Variants in TBX15 observed in about 807,000 individuals in gnomAD.
TBX15 encodes T-box transcription factor 15.
Under a neutral mutation model 53.9 loss-of-function variants are expected in TBX15, and 18 were observed. That is an observed-to-expected ratio of 0.33 (90% CI 0.23 to 0.49). The LOEUF is 0.49. TBX15 is among the 20% of genes least tolerant of loss of function. The probability of loss-of-function intolerance (pLI) is 0.98; values close to 1 mark genes in which losing one functional copy is unlikely to be tolerated. For missense variants in TBX15, 692 were observed against 749.5 expected (o/e 0.92, Z 0.90); for synonymous variants, 295 against 278.0 (o/e 1.06, Z -0.61).
intron 6 of TBX15, among the ~76,000 whole-genome samples, chr1:118,901,904 C>A (rs1188440694): frequency 6.6e-6 from 1 of 152,114 alleles, no homozygotes; most frequent in African/African-American, 2.4e-5. Flanking sequence ...CCTATGGACA[C>A]ATATGTAATC....
intron 4 of TBX15, among the ~76,000 whole-genome samples, 177 bp from the exon 5 acceptor site, chr1:118,923,780 A>T (rs556529627): frequency 1.8e-4 from 27 of 152,230 alleles, no homozygotes; most frequent in Non-Finnish European, 3.2e-4. Flanking sequence ...ATTAAATAGC[A>T]TTACATGGAA....
intron 1 of TBX15, among the ~76,000 whole-genome samples, chr1:118,949,561 G>C (rs568219065): frequency 8.5e-5 from 13 of 152,318 alleles, no homozygotes; most frequent in Admixed American, 6.5e-4. Flanking sequence ...CCTTCTCCAA[G>C]GATGTCACAC....
intron 5 of TBX15, among the ~76,000 whole-genome samples, chr1:118,920,146 T>G (rs1655375300): frequency 6.6e-6 from 1 of 152,178 alleles, no homozygotes; most frequent in Non-Finnish European, 1.5e-5. Context: ...AACTTCGTGT[T>G]TTCTACATCA....
chr1:118,971,684 A>T (rs1007534415), intron 1 of TBX15, among the ~76,000 whole-genome samples: 5 of 152,274 alleles, frequency 3.3e-5, no homozygotes, highest in Admixed American at 3.3e-4. Context: ...TGTAGAAAAG[A>T]TCAACCAAAA....
chr1:118,961,216 C>G (rs1209876718), intron 1 of TBX15, among the ~76,000 whole-genome samples: 1 of 152,206 alleles, frequency 6.6e-6, no homozygotes, highest in Non-Finnish European at 1.5e-5. Context: ...TCGAGACACC[C>G]ATCCCCCTGT....
chr1:118,931,900 A>T, intron 1 of TBX15, 68 bp from the exon 2 acceptor site: 1 of 1,484,168 alleles, frequency 6.7e-7, no homozygotes, highest in Non-Finnish European at 9.1e-7. Context: ...GCCCTAAAAG[A>T]TGGGGGTGGG....
At chr1:118,963,683 G>A (rs957874914) in intron 1 of TBX15, among the ~76,000 whole-genome samples, 2 of 152,216 alleles carry the variant, frequency 1.3e-5, no homozygotes, top group Non-Finnish European at 2.9e-5. Flanking sequence ...AAGATGTCCA[G>A]ATTTCTCACA....
intron 6 of TBX15, among the ~76,000 whole-genome samples, chr1:118,904,191 A>C (rs111274192): frequency 0.042 from 6,352 of 152,192 alleles, 185 homozygotes; most frequent in Non-Finnish European, 0.061. Context: ...GGGTGGTGCT[A>C]TGCCTCTGAT....
intron 1 of TBX15, among the ~76,000 whole-genome samples, chr1:118,962,602 T>C (rs1215160971): frequency 1.3e-5 from 2 of 152,160 alleles, no homozygotes; most frequent in Non-Finnish European, 1.5e-5. Context: ...GAAATACTAG[T>C]GTATCATATC....
chr1:118,912,396 C>T (rs1249278587), intron 6 of TBX15, among the ~76,000 whole-genome samples: 1 of 151,984 alleles, frequency 6.6e-6, no homozygotes, highest in Non-Finnish European at 1.5e-5. Flanking sequence ...CACAATTTTA[C>T]CTACAATATC....
intron 1 of TBX15, among the ~76,000 whole-genome samples, chr1:118,944,791 A>G (rs964196989): frequency 3.9e-5 from 6 of 152,176 alleles, no homozygotes; most frequent in Non-Finnish European, 7.3e-5. Flanking sequence ...ATCTGTCATG[A>G]TGACCCAGCC....
At chr1:118,945,396 C>G (rs1656316258) in intron 1 of TBX15, among the ~76,000 whole-genome samples, 1 of 152,162 alleles carries the variant, frequency 6.6e-6, no homozygotes, top group South Asian at 2.1e-4. Flanking sequence ...CCTAGACAGG[C>G]AGACTGATAA....
chr1:118,895,139 C>G (rs892385656), intron 7 of TBX15, among the ~76,000 whole-genome samples: 9 of 152,124 alleles, frequency 5.9e-5, no homozygotes, highest in Admixed American at 2.0e-4. Flanking sequence ...TCAACTAATA[C>G]AAGTCAAACT....
rs548785391 is a variant in TBX15, at chr1:118,986,522, T to C, written c.205+1069A>G. 5.3e-5 allele frequency among the ~76,000 whole-genome samples: 8 copies of C among 152,176 alleles called. No homozygotes were observed. In the East Asian group the frequency reaches 1.4e-3, roughly 26 times the overall value. On this transcript the variant is annotated intron_variant, in intron 1 of 7. Coordinates refer to ENST00000369429, the MANE Select transcript of TBX15 (RefSeq NM_001330677.2). ...GAACTGTCACTGCCTAAAGAGAAAA[T>C]GTAAGCGACAGCTGTCCCTCCTCTG... is the stretch of plus-strand genomic sequence containing the variant.
At chr1:118,940,564 C>G (rs1656139251) in intron 1 of TBX15, among the ~76,000 whole-genome samples, 1 of 151,826 alleles carries the variant, frequency 6.6e-6, no homozygotes, top group Non-Finnish European at 1.5e-5. Context: ...AGGCTTAACT[C>G]AAGTCAGAGT....
chr1:118,910,659 T>C (rs1655000167), intron 6 of TBX15, among the ~76,000 whole-genome samples: 1 of 152,198 alleles, frequency 6.6e-6, no homozygotes, highest in African/African-American at 2.4e-5. Context: ...TTTTGAGATA[T>C]TTAAAGAGAA....
At position 118,927,582 on chromosome 1, in the gene TBX15, G is replaced by T. The variant is rs34343782; in HGVS notation, c.420-971C>A. 2.3e-3 allele frequency among the ~76,000 whole-genome samples: 354 copies of T among 152,302 alleles called. 4 individuals carry two copies. Among genetic ancestry groups the T allele is most frequent in the Admixed American group, 4.2e-3 (65 of 15,298 alleles). On this transcript the variant is annotated intron_variant, in intron 2 of 7. Transcript: ENST00000369429. ...ACGTGTGTGTCAGAGGAAGGACCCT[G>T]TGGAATTGGAAGCAAATACCAAATG...
At chr1:118,951,416 C>T (rs1351071112) in intron 1 of TBX15, among the ~76,000 whole-genome samples, 6 of 152,192 alleles carry the variant, frequency 3.9e-5, no homozygotes, top group Non-Finnish European at 7.4e-5. Context: ...CCCTACTTCT[C>T]GCAGCTGGAG....
At chr1:118,902,314 G>A (rs975575019) in intron 6 of TBX15, among the ~76,000 whole-genome samples, 2 of 151,964 alleles carry the variant, frequency 1.3e-5, no homozygotes, top group African/African-American at 4.8e-5. Flanking sequence ...TCAATATTTG[G>A]TGTAGTGCCA....
Sources: gnomAD v4.1 joint callset for allele counts (sites outside exome capture counted in the v4.1 genomes callset) on GRCh38, gnomAD v4.1.1 for gene constraint, MANE v1.5 for transcripts, NCBI Gene and HGNC (gene_info 2026-07-23, HGNC 2026-07-21) for gene names.